The following DOCK1 variants were observed in gnomAD, a reference collection of about 807,000 sequenced individuals.
DOCK1 encodes the protein dedicator of cytokinesis 1.
A neutral mutation model predicts 262.7 loss-of-function variants in DOCK1; 138 were observed. That is an observed-to-expected ratio of 0.53 (90% CI 0.46 to 0.61). DOCK1 has a LOEUF of 0.61. Among genes scored for constraint, DOCK1 ranks in the 20% least tolerant of loss-of-function variants. The probability of loss-of-function intolerance (pLI) is 0.00; values close to 1 mark genes in which losing one functional copy is unlikely to be tolerated. For synonymous variants in DOCK1, 866 were observed against 867.4 expected, an observed-to-expected ratio of 1.00 and a Z score of 0.03; for missense variants, 1,908 against 2,370.7, an observed-to-expected ratio of 0.80 and a Z score of 4.05.
rs757299305 is a variant in DOCK1 at position 127,175,918 on chromosome 10, G to A, written c.2847+48154G>A. The stretch of plus-strand genomic sequence containing the variant: ...TGCACCCGCCCCGCGCCACATGGCC[G>A]GGCCTCCTCCATGGGTCCAGCCTCG... On this transcript the variant is annotated intron_variant, in intron 27 of 51. Coordinates refer to ENST00000623213, the MANE Select transcript of DOCK1 (RefSeq NM_001290223.2). The surrounding 1 kb of genome is among the most constrained non-coding windows in gnomAD (Gnocchi z 6.3). The A allele has an allele frequency of 7.4e-6, 12 of 1,614,194 alleles. No homozygotes were observed. The highest frequency in any genetic ancestry group is 1.6e-4 in the Middle Eastern group (1 of 6,062).
chr10:126,973,811 G>A (rs1465753581), intron 2 of DOCK1, among the ~76,000 whole-genome samples: 7 of 152,024 alleles, frequency 4.6e-5, no homozygotes, highest in Admixed American at 2.0e-4. Context: ...TTAGAGTCTG[G>A]CATTTTCTTT....
intron 23 of DOCK1, among the ~76,000 whole-genome samples, chr10:127,091,354 G>A (rs2047523651): frequency 6.6e-6 from 1 of 152,174 alleles, no homozygotes; most frequent in South Asian, 2.1e-4. Flanking sequence ...CTGTTGAGTT[G>A]ACTGAAGAAA....
chr10:126,976,746 T>C (rs531669385), intron 2 of DOCK1, among the ~76,000 whole-genome samples: 13 of 152,074 alleles, frequency 8.5e-5, no homozygotes, highest in Admixed American at 8.5e-4. Context: ...TAAGCTTTTT[T>C]TTTTTGAGAT....
chr10:127,004,769 G>GCCCCCCC (rs1285670669), intron 10 of DOCK1, among the ~76,000 whole-genome samples: 2 of 14,276 alleles, frequency 1.4e-4, no homozygotes, highest in African/African-American at 5.0e-4. Flanking sequence ...CCCCTGCCCC[G>GCCCCCCC]CCACCCCCCC....
chr10:127,114,588 A>AG lies in DOCK1; in HGVS notation c.2623+4240dup, dbSNP rs200234362. Among the ~76,000 whole-genome samples, 1,435 of 151,798 alleles carry AG rather than the reference A, an allele frequency of 9.5e-3. 22 individuals carry two copies. Among genetic ancestry groups the AG allele is most frequent in the African/African-American group, 0.032 (1,343 of 41,364 alleles). On this transcript the variant is annotated intron_variant, in intron 25 of 51. Coordinates refer to ENST00000623213, the MANE Select transcript of DOCK1 (RefSeq NM_001290223.2). Reference sequence around the variant, plus strand: ...ATCATTCCTGTTTTCTGGAAATAGGAGGGGGGTGCAGTTCAGATCTGTGCA... The same window carrying AG: ...ATCATTCCTGTTTTCTGGAAATAGGAGGGGGGGTGCAGTTCAGATCTGTGCA...
chr10:127,388,273 G>A (rs1028176075), intron 38 of DOCK1, among the ~76,000 whole-genome samples: 2 of 152,174 alleles, frequency 1.3e-5, no homozygotes, highest in African/African-American at 2.4e-5. Context: ...TGAGTTTTAG[G>A]AGGATTTTCT....
intron 1 of DOCK1, among the ~76,000 whole-genome samples, chr10:126,913,017 G>C (rs546825863): frequency 1.7e-4 from 26 of 151,126 alleles, no homozygotes; most frequent in African/African-American, 4.9e-4. Flanking sequence ...CAAGCCCATG[G>C]GTCCCTGGTG....
Position 127,446,208 on chromosome 10 carries a change from C to T in DOCK1, c.5414-1186C>T, listed in dbSNP as rs548550665. On this transcript the variant is annotated intron_variant, in intron 50 of 51. Transcript: ENST00000623213. The surrounding 1 kb of genome is among the most constrained non-coding windows in gnomAD (Gnocchi z 4.4). ...GAGGTTGCAGTGAGCTGAGATCGCA[C>T]CACTGCACTCCAGCCTGGGCGACAC... 6.6e-6 allele frequency among the ~76,000 whole-genome samples: 1 copy of T among 151,882 alleles called. No individual in the cohort carries two copies. Among genetic ancestry groups the T allele is most frequent in the East Asian group, 1.9e-4 (1 of 5,170 alleles).
intron 19 of DOCK1, among the ~76,000 whole-genome samples, chr10:127,038,372 C>G (rs1052933564): frequency 9.2e-5 from 14 of 152,194 alleles, no homozygotes; most frequent in African/African-American, 3.4e-4. Flanking sequence ...GTTCTGCGTC[C>G]TCTTCCCATA....
chr10:126,948,900 C>T (rs1335897851), intron 1 of DOCK1, among the ~76,000 whole-genome samples: 5 of 152,090 alleles, frequency 3.3e-5, no homozygotes, highest in Non-Finnish European at 7.4e-5. Flanking sequence ...ACTGGGGTTG[C>T]GTGAGAAGGC....
chr10:127,236,784 C>T (rs2059083083), intron 27 of DOCK1, among the ~76,000 whole-genome samples: 1 of 151,894 alleles, frequency 6.6e-6, no homozygotes, highest in Admixed American at 6.6e-5. Context: ...TCTTCATCAC[C>T]ATCATCATCA....
At chr10:127,392,374 C>G (rs2066530990) in intron 38 of DOCK1, among the ~76,000 whole-genome samples, 2 of 152,128 alleles carry the variant, frequency 1.3e-5, no homozygotes. Context: ...GAGGCAGTGG[C>G]TGTGGCTGCC....
intron 23 of DOCK1, among the ~76,000 whole-genome samples, chr10:127,075,216 T>TGGGA (rs1249595299): frequency 6.9e-6 from 1 of 145,630 alleles, no homozygotes; most frequent in East Asian, 2.1e-4. Context: ...TTGTTATGTC[T>TGGGA]GGGAAATTAG....
At chr10:126,971,950 C>T (rs2038140487) in intron 2 of DOCK1, among the ~76,000 whole-genome samples, 1 of 151,734 alleles carries the variant, frequency 6.6e-6, no homozygotes, top group Non-Finnish European at 1.5e-5. Context: ...GAGTTTTGCT[C>T]TTGTTGCCCA....
Position 127,247,990 on chromosome 10 carries a change from C to A in DOCK1, c.2848-18C>A, listed in dbSNP as rs749305867. 3.8e-5 allele frequency: 61 copies of A among 1,611,286 alleles called. No individual in the cohort carries two copies. Among genetic ancestry groups the A allele is most frequent in the Non-Finnish European group, 4.8e-5 (56 of 1,177,774 alleles). ...GTTGCTCTGTCTCATCTAATTCTATCTTTTGATTCATTTACAGGGAAACTT... is the reference window on the plus strand; with the variant it reads ...GTTGCTCTGTCTCATCTAATTCTATATTTTGATTCATTTACAGGGAAACTT... On this transcript the variant is annotated intron_variant, in intron 27 of 51. Transcript: ENST00000623213.
chr10:126,912,706 A>G lies in DOCK1; in HGVS notation c.46+7143A>G, dbSNP rs2031980238. Among the ~76,000 whole-genome samples, 2 of 143,314 alleles carry G rather than the reference A, an allele frequency of 1.4e-5. 1 individual carries two copies. The highest frequency in any genetic ancestry group is 3.0e-5 in the Non-Finnish European group (2 of 66,632). 94.0% of individuals were successfully genotyped at this position (143,314 alleles called of 152,430 possible). On this transcript the variant is annotated intron_variant, in intron 1 of 51. Coordinates refer to ENST00000623213, the MANE Select transcript of DOCK1 (RefSeq NM_001290223.2). ...GCGCCACCGTACTCCAGCCTGGGTG[A>G]CAGAGTGAGACTCCATCTCGGAAAA...
chr10:127,404,323 A>T lies in DOCK1; in HGVS notation c.4018-2A>T. The T allele has an allele frequency of 1.2e-6, 2 of 1,612,292 alleles. No homozygotes were observed. The highest frequency in any genetic ancestry group is 1.7e-6 in the Non-Finnish European group (2 of 1,179,014). ...GAAATGCATTTTCTTTTTTCCTTCCAGAAAAAACAGGCTCAGTTTTATGAA... is the reference window on the plus strand; with the variant it reads ...GAAATGCATTTTCTTTTTTCCTTCCTGAAAAAACAGGCTCAGTTTTATGAA... On this transcript the variant is annotated splice_acceptor_variant, in intron 39 of 51. Coordinates refer to ENST00000623213, the MANE Select transcript of DOCK1 (RefSeq NM_001290223.2). LOFTEE classifies it high-confidence loss of function.
intron 1 of DOCK1, among the ~76,000 whole-genome samples, chr10:126,946,875 CTT>C (rs1300479914): frequency 2.5e-4 from 38 of 152,326 alleles, no homozygotes; most frequent in Non-Finnish European, 2.9e-4. Context: ...CTTGTCCACT[CTT>C]TGCTGGAGGA....
chr10:127,235,854 C>A (rs544417037), intron 27 of DOCK1, among the ~76,000 whole-genome samples: 2 of 151,888 alleles, frequency 1.3e-5, no homozygotes, highest in East Asian at 3.9e-4. Flanking sequence ...TTTTAACTTG[C>A]GTGTTCCTAT....
Sources: allele counts gnomAD v4.1 joint callset (sites outside exome capture counted in the v4.1 genomes callset), GRCh38; gene constraint gnomAD v4.1.1; non-coding constraint Gnocchi (gnomAD v3.1); transcripts MANE v1.5; gene names NCBI Gene and HGNC (gene_info 2026-07-23, HGNC 2026-07-21).